Variants in CNST observed in about 807,000 individuals in gnomAD.
The protein encoded by CNST is consortin, connexin sorting protein.
CNST carries 39 observed loss-of-function variants against 72.4 expected under a neutral mutation model. The observed-to-expected ratio is 0.54, with a 90% CI of 0.42 to 0.70. The LOEUF (loss-of-function observed/expected upper bound fraction) is 0.70. Ranked by LOEUF, CNST falls within the 30% of genes least tolerant of loss-of-function variation. The pLI is 0.00. For missense variants in CNST, 871 were observed against 868.5 expected (o/e 1.00, Z -0.04); for synonymous variants, 332 against 320.1 (o/e 1.04, Z -0.40).
intron 3 of CNST, among the ~76,000 whole-genome samples, chr1:246,626,191 A>G (rs1664423716): frequency 6.6e-6 from 1 of 151,844 alleles, no homozygotes; most frequent in Non-Finnish European, 1.5e-5. Context: ...CTGGGACTGC[A>G]GGCGCATGCC....
intron 1 of CNST, among the ~76,000 whole-genome samples, chr1:246,574,972 T>TTTTATTTA (rs150720392): frequency 0.56 from 79,769 of 143,350 alleles, 23,558 homozygotes; most frequent in Non-Finnish European, 0.66. Context: ...TCCTCAAGTA[T>TTTTATTTA]TTTATTTATT....
intron 2 of CNST, among the ~76,000 whole-genome samples, chr1:246,619,778 C>T (rs1350080150): frequency 6.6e-6 from 1 of 152,240 alleles, no homozygotes; most frequent in Admixed American, 6.5e-5. Context: ...ACATTCAAAT[C>T]CAAAGATATG....
chr1:246,647,639 G>C lies in CNST; in HGVS notation c.1438G>C (p.Glu480Gln), dbSNP rs1230173042. Residue 480 changes from glutamate (E) to glutamine (Q), a missense_variant, in exon 9 of 11, where the codon GAA becomes CAA. Transcript: ENST00000366513. ...ALPTDQLENN[E>Q]LNELQQPDLT... ...GCCCACAGACCAACTTGAGAACAAT[G>C]AATTAAATGAGCTGCAGCAGCCTGA... 6.2e-7 allele frequency: 1 copy of C among 1,614,160 alleles called. No homozygotes were observed. The highest frequency in any genetic ancestry group is 1.7e-5 in the Admixed American group (1 of 60,028).
intron 1 of CNST, among the ~76,000 whole-genome samples, chr1:246,579,037 T>A (rs1384225283): frequency 6.6e-6 from 1 of 152,280 alleles, no homozygotes; most frequent in Non-Finnish European, 1.5e-5. Context: ...GTCTTGTTAT[T>A]CTCATACTCT....
At chr1:246,596,056 C>T (rs938743020) in intron 2 of CNST, among the ~76,000 whole-genome samples, 2 of 151,194 alleles carry the variant, frequency 1.3e-5, no homozygotes, top group Admixed American at 6.6e-5. Flanking sequence ...TTTTTTTTCC[C>T]CCTTAAGAGA....
In CNST at chr1:246,653,019, G is replaced by A. The variant is rs60174893; in HGVS notation, c.1836+4982G>A. On this transcript the variant is annotated intron_variant, in intron 9 of 10. Coordinates refer to ENST00000366513, the MANE Select transcript of CNST (RefSeq NM_152609.3). ...ACTCTGTCTCAAAAAAAAAAAAAAAGAAAGCTTTTAATCTAGGAGAGAGCA... is the reference window on the plus strand; with the variant it reads ...ACTCTGTCTCAAAAAAAAAAAAAAAAAAAGCTTTTAATCTAGGAGAGAGCA... Among the ~76,000 whole-genome samples the A allele has an allele frequency of 4.9e-4, 71 of 144,716 alleles. No homozygotes were observed. In the East Asian group the frequency reaches 7.9e-3, roughly 16 times the overall value. 94.9% of individuals were successfully genotyped at this position (144,716 alleles called of 152,430 possible).
intron 2 of CNST, among the ~76,000 whole-genome samples, chr1:246,605,465 C>A (rs1226036228): frequency 1.3e-5 from 2 of 152,190 alleles, no homozygotes; most frequent in African/African-American, 2.4e-5. Flanking sequence ...CAGCACAAGG[C>A]GGTGTGGAGC....
At chr1:246,656,997 C>G in intron 9 of CNST, among the ~76,000 whole-genome samples, 1 of 152,146 alleles carries the variant, frequency 6.6e-6, no homozygotes, top group Admixed American at 6.6e-5. Flanking sequence ...TGCCCTAAAT[C>G]AGCAGCCCAG....
At chr1:246,648,893 G>A (rs1039717879) in intron 9 of CNST, among the ~76,000 whole-genome samples, 2 of 152,120 alleles carry the variant, frequency 1.3e-5, no homozygotes, top group African/African-American at 2.4e-5. Flanking sequence ...GGGGGAAAAT[G>A]AAAAAGTAAC....
intron 1 of CNST, among the ~76,000 whole-genome samples, chr1:246,585,207 C>G (rs1332170184): frequency 6.6e-6 from 1 of 152,180 alleles, no homozygotes; most frequent in Non-Finnish European, 1.5e-5. Context: ...CTCTGTGAGC[C>G]TGCTCAACAC....
At chr1:246,651,776 A>C (rs1460687561) in intron 9 of CNST, among the ~76,000 whole-genome samples, 1 of 152,220 alleles carries the variant, frequency 6.6e-6, no homozygotes, top group Non-Finnish European at 1.5e-5. Context: ...TCAAAAGTAT[A>C]GTTTATACTG....
intron 2 of CNST, among the ~76,000 whole-genome samples, chr1:246,609,307 A>C (rs1663142988): frequency 6.6e-6 from 1 of 152,238 alleles, no homozygotes; most frequent in Non-Finnish European, 1.5e-5. Context: ...CAGGCACGGC[A>C]GCTCACGCCT....
At chr1:246,646,170 C>T (rs1350150118) in intron 8 of CNST, among the ~76,000 whole-genome samples, 4 of 149,414 alleles carry the variant, frequency 2.7e-5, no homozygotes, top group Non-Finnish European at 5.9e-5. Context: ...GTCCCAGCTA[C>T]TCGGGAGGCT....
rs777360904 is a variant in CNST at position 246,591,948 on chromosome 1, TTTAAAATAGTA to T, written c.379+10_379+20del. 1.3e-6 allele frequency: 2 copies of T among 1,591,926 alleles called. No individual in the cohort carries two copies. Among genetic ancestry groups the T allele is most frequent in the South Asian group, 2.3e-5 (2 of 87,968 alleles). On this transcript the variant is annotated splice_region_variant and intron_variant, in intron 2 of 10. Coordinates refer to ENST00000366513, the MANE Select transcript of CNST (RefSeq NM_152609.3). ...GCTAAGAAGATACCACCAGGTATTG[TTTAAAATAGTA>T]TTTATCCTCTTCTTTAATTAATTAA...
intron 6 of CNST, 131 bp from the exon 7 acceptor site, chr1:246,641,618 G>A (rs2103119799): frequency 1.6e-6 from 1 of 624,148 alleles, no homozygotes; most frequent in Middle Eastern, 2.6e-4. Context: ...TTCAGCCGTG[G>A]AAATGTTCTG....
chr1:246,586,703 A>G (rs759691779), intron 1 of CNST, among the ~76,000 whole-genome samples: 1 of 152,116 alleles, frequency 6.6e-6, no homozygotes, highest in Non-Finnish European at 1.5e-5. Context: ...ACCTGAAGAA[A>G]TGGACTCATA....
chr1:246,583,960 G>A (rs1293304832), intron 1 of CNST, among the ~76,000 whole-genome samples: 1 of 151,976 alleles, frequency 6.6e-6, no homozygotes, highest in African/African-American at 2.4e-5. Context: ...TTCTTTTTAA[G>A]AGGCAAGGTC....
Position 246,607,600 on chromosome 1 carries a change from C to T in CNST, c.380-13829C>T, listed in dbSNP as rs117641582. The T allele has an allele frequency of 1.2e-3, 187 of 152,720 alleles. 3 individuals carry two copies. In the East Asian group the frequency reaches 0.034, roughly 28 times the overall value. The allele number at this position is 152,720 out of a possible 1,614,324, so 9.5% of individuals were successfully genotyped here. A position where few individuals can be genotyped will look rare whatever the true frequency, so the allele number is the denominator to read the frequency against. On this transcript the variant is annotated intron_variant, in intron 2 of 10. Coordinates refer to ENST00000366513, the MANE Select transcript of CNST (RefSeq NM_152609.3). ...GGACCGGGCAGGGGTTTTACAGTCT[C>T]CTGTAAACAGGAAGTGTCCCTGTCT...
At chr1:246,632,278 A>G in intron 4 of CNST, 1 of 302,518 alleles carries the variant, frequency 3.3e-6, no homozygotes, top group African/African-American at 2.2e-5. Context: ...CATGTTCTTT[A>G]GCCTTTGCCT....
Sources: allele counts gnomAD v4.1 joint callset (sites outside exome capture counted in the v4.1 genomes callset), GRCh38; gene constraint gnomAD v4.1.1; transcripts MANE v1.5; gene names NCBI Gene and HGNC (gene_info 2026-07-23, HGNC 2026-07-21).